ZFYVE9: variants seen among roughly 807,000 people sequenced by gnomAD.
ZFYVE9 encodes the protein zinc finger FYVE-type containing 9.
ZFYVE9 carries 43 observed loss-of-function variants against 126.7 expected under a neutral mutation model. That is an observed-to-expected ratio of 0.34 (90% CI 0.27 to 0.44). The LOEUF (loss-of-function observed/expected upper bound fraction) is 0.44, where lower values mean the gene tolerates loss of function less well. Ranked by LOEUF, ZFYVE9 falls within the 20% of genes least tolerant of loss-of-function variation. The pLI is 1.00. For missense variants in ZFYVE9, 1,476 were observed against 1,697.0 expected (o/e 0.87, Z 2.29); for synonymous variants, 521 against 597.4 (o/e 0.87, Z 1.87).
intron 4 of ZFYVE9, among the ~76,000 whole-genome samples, chr1:52,251,675 C>T (rs1351023422): frequency 6.6e-6 from 1 of 152,030 alleles, no homozygotes; most frequent in Non-Finnish European, 1.5e-5. Context: ...AATATGTTTG[C>T]CTTGTTTTGG....
At chr1:52,185,046 C>G (rs1418365289) in intron 1 of ZFYVE9, among the ~76,000 whole-genome samples, 1 of 152,166 alleles carries the variant, frequency 6.6e-6, no homozygotes, top group Non-Finnish European at 1.5e-5. Context: ...TGATGACGTA[C>G]AACATTTTTT....
chr1:52,216,682 T>G (rs942484799), intron 2 of ZFYVE9, among the ~76,000 whole-genome samples: 2 of 152,208 alleles, frequency 1.3e-5, no homozygotes. Flanking sequence ...GTCACAATGG[T>G]CACAATGTTA....
At chr1:52,230,524 T>TAAGAAAAAA (rs1645210899) in intron 2 of ZFYVE9, among the ~76,000 whole-genome samples, 1 of 131,574 alleles carries the variant, frequency 7.6e-6, no homozygotes. Context: ...TCCTGGAACT[T>TAAGAAAAAA]AAAAAAAAAA....
intron 4 of ZFYVE9, among the ~76,000 whole-genome samples, chr1:52,248,407 C>T (rs975241709): frequency 6.6e-6 from 1 of 152,210 alleles, no homozygotes; most frequent in Non-Finnish European, 1.5e-5. Context: ...TTTTAGTGCA[C>T]TGGCAGCTGA....
At chr1:52,167,307 GATAAATA>G (rs779408057) in intron 1 of ZFYVE9, among the ~76,000 whole-genome samples, 6 of 152,182 alleles carry the variant, frequency 3.9e-5, no homozygotes, top group Admixed American at 6.5e-5. Context: ...AATCTTGGTG[GATAAATA>G]AGAAAAATAC....
At chr1:52,269,849 G>A (rs976468563) in intron 7 of ZFYVE9, among the ~76,000 whole-genome samples, 1 of 151,386 alleles carries the variant, frequency 6.6e-6, no homozygotes, top group Non-Finnish European at 1.5e-5. Flanking sequence ...GTATAGTGCC[G>A]CAGACATGGC....
intron 13 of ZFYVE9, among the ~76,000 whole-genome samples, chr1:52,324,078 C>T (rs1407298986): frequency 6.6e-6 from 1 of 150,502 alleles, no homozygotes; most frequent in Non-Finnish European, 1.5e-5. Flanking sequence ...AAAATAACCA[C>T]AAAAAAACAA....
intron 2 of ZFYVE9, among the ~76,000 whole-genome samples, chr1:52,225,464 T>C (rs112044643): frequency 0.012 from 1,877 of 152,352 alleles, 33 homozygotes; most frequent in African/African-American, 0.043. Flanking sequence ...GTGCTGCTTA[T>C]GCCTGTTACA....
In ZFYVE9 at chr1:52,235,088, G is replaced by A. The variant is rs570889113; in HGVS notation, c.70+1812G>A. On this transcript the variant is annotated intron_variant, in intron 3 of 18. Transcript: ENST00000287727. ...AAAAATATTTTAGTTAAAAAATAGA[G>A]CAATTGCTTACAGAATAATAACTCC... is the stretch of plus-strand genomic sequence containing the variant. 8.4e-4 allele frequency among the ~76,000 whole-genome samples: 128 copies of A among 152,256 alleles called. No individual in the cohort carries two copies. In the Middle Eastern group the frequency reaches 0.01, roughly 12 times the overall value.
chr1:52,201,180 A>T (rs1359912759), intron 1 of ZFYVE9, among the ~76,000 whole-genome samples: 1 of 152,142 alleles, frequency 6.6e-6, no homozygotes, highest in Non-Finnish European at 1.5e-5. Flanking sequence ...TTGTTTTTTC[A>T]TATAGATCTT....
chr1:52,321,317 C>T (rs1367670611), intron 13 of ZFYVE9, among the ~76,000 whole-genome samples: 1 of 152,112 alleles, frequency 6.6e-6, no homozygotes, highest in African/African-American at 2.4e-5. Context: ...GATTCTCTGG[C>T]CTTCAAGGAA....
At chr1:52,214,499 A>G (rs1645054594) in intron 1 of ZFYVE9, among the ~76,000 whole-genome samples, 2 of 152,128 alleles carry the variant, frequency 1.3e-5, no homozygotes, top group Admixed American at 1.3e-4. Flanking sequence ...GTGATTTTCC[A>G]CCAGCCAGAT....
intron 1 of ZFYVE9, among the ~76,000 whole-genome samples, chr1:52,205,532 T>C (rs550098984): frequency 7.1e-6 from 1 of 140,012 alleles, no homozygotes; most frequent in Admixed American, 6.8e-5. Context: ...CCTGGCTAAT[T>C]AAATTTTTTT....
At chr1:52,342,083 C>T (rs1444601825) in intron 17 of ZFYVE9, among the ~76,000 whole-genome samples, 1 of 152,104 alleles carries the variant, frequency 6.6e-6, no homozygotes, top group Admixed American at 6.6e-5. Context: ...CAGGGGCCAG[C>T]GCTCAGGTCT....
chr1:52,218,054 G>C (rs1435359454), intron 2 of ZFYVE9, among the ~76,000 whole-genome samples: 1 of 152,132 alleles, frequency 6.6e-6, no homozygotes, highest in Non-Finnish European at 1.5e-5. Flanking sequence ...GCGGCTATTT[G>C]GTTTTGAGCT....
intron 7 of ZFYVE9, among the ~76,000 whole-genome samples, chr1:52,272,262 A>G (rs924730804): frequency 1.3e-5 from 2 of 152,264 alleles, no homozygotes; most frequent in South Asian, 2.1e-4. Context: ...ATATATGTGC[A>G]TGTGTGTATA....
chr1:52,246,527 T>C (rs866850147), intron 4 of ZFYVE9, among the ~76,000 whole-genome samples: 2 of 149,796 alleles, frequency 1.3e-5, no homozygotes, highest in African/African-American at 2.5e-5. Flanking sequence ...TCCTGTTTTT[T>C]TTCCTGGGTT....
intron 1 of ZFYVE9, chr1:52,160,120 T>C: frequency 1.8e-6 from 1 of 554,224 alleles, no homozygotes; most frequent in South Asian, 2.7e-5. Context: ...ATTATAGAGA[T>C]TCATGAATTA....
intron 13 of ZFYVE9, among the ~76,000 whole-genome samples, chr1:52,318,700 C>T (rs1646210661): frequency 6.6e-6 from 1 of 151,798 alleles, no homozygotes; most frequent in South Asian, 2.1e-4. Flanking sequence ...ACAAAATGGC[C>T]ACTAGATCTA....
Sources: gnomAD v4.1 joint callset for allele counts (sites outside exome capture counted in the v4.1 genomes callset) on GRCh38, gnomAD v4.1.1 for gene constraint, MANE v1.5 for transcripts, NCBI Gene and HGNC (gene_info 2026-07-23, HGNC 2026-07-21) for gene names.